Variants in MRPS9 observed in about 807,000 individuals in gnomAD.
MRPS9 encodes the protein mitochondrial ribosomal protein S9, also known as small ribosomal subunit protein uS9m.
MRPS9 carries 45 observed loss-of-function variants against 59.9 expected under a neutral mutation model. The observed-to-expected ratio is 0.75, with a 90% confidence interval of 0.59 to 0.96. The LOEUF (loss-of-function observed/expected upper bound fraction) is 0.96, where lower values mean the gene tolerates loss of function less well. MRPS9 is among the 40% of genes least tolerant of loss of function. MRPS9 has a pLI of 0.00. For missense variants in MRPS9, 473 were observed against 481.1 expected (o/e 0.98, Z 0.16); for synonymous variants, 171 against 166.8 (o/e 1.03, Z -0.19).
chr2:105,045,338 ATTC>A (rs937858266), intron 1 of MRPS9, among the ~76,000 whole-genome samples: 3 of 149,472 alleles, frequency 2.0e-5, no homozygotes, highest in Non-Finnish European at 4.4e-5. Context: ...AGAAAACCCA[ATTC>A]TTTTTTTTTT....
chr2:105,093,599 G>A lies in MRPS9; in HGVS notation c.890G>A (p.Gly297Glu). 6.2e-7 allele frequency: 1 copy of A among 1,606,596 alleles called. No individual in the cohort carries two copies. Among genetic ancestry groups the A allele is most frequent in the Non-Finnish European group, 8.5e-7 (1 of 1,176,364 alleles). ...GGAAGTGGAAGAATAAAAGTAAATGGAATTGATTACCAGCTTTACTTCCCG... is the reference window on the plus strand; with the variant it reads ...GGAAGTGGAAGAATAAAAGTAAATGAAATTGATTACCAGCTTTACTTCCCG... ...KHGSGRIKVN[G>E]IDYQLYFPIT... Residue 297 changes from glycine (G) to glutamate (E), a missense_variant, in exon 9 of 11, where the codon GGA becomes GAA. By Grantham distance (98) the Gly-to-Glu change is moderately conservative. Coordinates refer to ENST00000258455, the MANE Select transcript of MRPS9 (RefSeq NM_182640.3).
chr2:105,038,302 C>G (rs1558747783), intron 1 of MRPS9, 75 bp downstream of exon 1: 1 of 1,544,550 alleles, frequency 6.5e-7, no homozygotes, highest in East Asian at 2.4e-5. Context: ...CACCTTCCCC[C>G]AGCGTCTCGC....
At chr2:105,091,338 G>A (rs1337802726) in intron 7 of MRPS9, 1 of 470,960 alleles carries the variant, frequency 2.1e-6, no homozygotes, top group African/African-American at 2.0e-5. Context: ...AAGTCATTGA[G>A]AGTCTGTGAG....
intron 4 of MRPS9, among the ~76,000 whole-genome samples, chr2:105,076,039 C>T (rs1344514474): frequency 1.3e-5 from 2 of 151,814 alleles, no homozygotes; most frequent in African/African-American, 4.8e-5. Flanking sequence ...AATTAGAAAA[C>T]TGAAAGAAAT....
chr2:105,097,244 A>G lies in MRPS9; in HGVS notation c.1019A>G (p.Gln340Arg). The part of the protein sequence containing the change: ...CTVSGGGRSA[Q>R]AGAIRLAMAK... ...GTCTCAGGGGGCGGGAGGTCAGCGC[A>G]GGCTGGAGCAATACGACTGGCAATG... is the stretch of plus-strand genomic sequence containing the variant. Residue 340 changes from glutamine (Q) to arginine (R), a missense_variant, in exon 10 of 11, where the codon CAG becomes CGG. Physicochemically the swap from Gln to Arg is conservative, Grantham distance 43. Transcript: ENST00000258455. 6.2e-7 allele frequency: 1 copy of G among 1,613,272 alleles called. No homozygotes were observed. The highest frequency in any genetic ancestry group is 8.5e-7 in the Non-Finnish European group (1 of 1,179,694).
chr2:105,067,220 G>A (rs185404486), intron 2 of MRPS9, among the ~76,000 whole-genome samples: 19 of 152,034 alleles, frequency 1.2e-4, no homozygotes, highest in African/African-American at 3.4e-4. Context: ...TATAATCTTC[G>A]TGAAAATTTC....
At chr2:105,099,390 G>A in intron 10 of MRPS9, 1 of 264,428 alleles carries the variant, frequency 3.8e-6, no homozygotes, top group South Asian at 7.2e-5. Flanking sequence ...GGTTGAGCAA[G>A]CTTAAAAACC....
At chr2:105,051,019 A>G (rs80081622) in intron 2 of MRPS9, among the ~76,000 whole-genome samples, 31,489 of 152,144 alleles carry the variant, frequency 0.21, 3,335 homozygotes, top group Middle Eastern at 0.35. Context: ...TTCCATTTTT[A>G]GTTCTGATGA....
intron 4 of MRPS9, among the ~76,000 whole-genome samples, chr2:105,074,557 T>G (rs1466407074): frequency 1.3e-5 from 2 of 152,214 alleles, no homozygotes; most frequent in Admixed American, 6.5e-5. Context: ...GTGTGTTAAC[T>G]TACACTCTTC....
At chr2:105,090,542 T>A (rs145035106) in intron 7 of MRPS9, among the ~76,000 whole-genome samples, 12 of 152,320 alleles carry the variant, frequency 7.9e-5, no homozygotes, top group African/African-American at 2.4e-4. Flanking sequence ...TAGATCTAGC[T>A]CAGAATCTCT....
intron 2 of MRPS9, among the ~76,000 whole-genome samples, chr2:105,064,615 G>T (rs1196725590): frequency 6.6e-6 from 1 of 152,188 alleles, no homozygotes; most frequent in East Asian, 1.9e-4. Context: ...TGACAAGGAT[G>T]GGGAGGGAAC....
intron 2 of MRPS9, among the ~76,000 whole-genome samples, chr2:105,062,643 C>T (rs186538669): frequency 9.2e-4 from 140 of 152,288 alleles, no homozygotes; most frequent in African/African-American, 3.2e-3. Flanking sequence ...GTTTAAAAAA[C>T]CTTGCTGAAA....
intron 5 of MRPS9, among the ~76,000 whole-genome samples, chr2:105,085,576 A>G (rs900210956): frequency 1.3e-5 from 2 of 152,190 alleles, no homozygotes; most frequent in African/African-American, 4.8e-5. Context: ...ATACTCTCAG[A>G]AGGGTTTAGT....
At position 105,086,009 on chromosome 2, in the gene MRPS9, G is replaced by A. The variant is rs1680437734; in HGVS notation, c.490-2975G>A. ...TATAGAATCTACTTTCCAGAGAACT[G>A]TTGTCTCTAACTAACCAAGGTAGAA... On this transcript the variant is annotated intron_variant, in intron 5 of 10. Coordinates refer to ENST00000258455, the MANE Select transcript of MRPS9 (RefSeq NM_182640.3). 3.3e-5 allele frequency among the ~76,000 whole-genome samples: 5 copies of A among 152,132 alleles called. No homozygotes were observed. In the South Asian group the frequency reaches 1.0e-3, roughly 32 times the overall value.
In MRPS9 at chr2:105,099,920, A is replaced by G. The variant is rs573515099; in HGVS notation, c.*159A>G. On this transcript the variant is annotated 3_prime_UTR_variant, in exon 11 of 11. Transcript: ENST00000258455. Reference sequence around the variant, plus strand: ...TTTTAAATGCTACTTTGTAAAGGTGACCTTTAAAAAATAAAAGGAAAATAA... The same window carrying G: ...TTTTAAATGCTACTTTGTAAAGGTGGCCTTTAAAAAATAAAAGGAAAATAA... 754 of 505,860 alleles carry G rather than the reference A, an allele frequency of 1.5e-3. 6 individuals are homozygous for G. Among genetic ancestry groups the G allele is most frequent in the Non-Finnish European group, 4.4e-4 (128 of 289,140 alleles). 31.3% of individuals were successfully genotyped at this position (505,860 alleles called of 1,614,324 possible).
intron 6 of MRPS9, 50 bp from the exon 7 acceptor site, chr2:105,089,870 C>A: frequency 1.6e-6 from 2 of 1,269,280 alleles, no homozygotes; most frequent in Non-Finnish European, 2.3e-6. Flanking sequence ...TGTGATATAA[C>A]TCTAATTGCA....
intron 2 of MRPS9, among the ~76,000 whole-genome samples, chr2:105,051,645 GT>G (rs993558278): frequency 6.6e-6 from 1 of 152,152 alleles, no homozygotes; most frequent in Admixed American, 6.5e-5. Flanking sequence ...CCATCTTAAT[GT>G]TAGTTAAGTC....
chr2:105,059,450 C>A (rs575024224), intron 2 of MRPS9, among the ~76,000 whole-genome samples: 1 of 152,264 alleles, frequency 6.6e-6, no homozygotes, highest in African/African-American at 2.4e-5. Context: ...AAAAAGGTAT[C>A]TTGAAACACT....
chr2:105,061,604 G>A (rs1679906325), intron 2 of MRPS9, among the ~76,000 whole-genome samples: 1 of 152,166 alleles, frequency 6.6e-6, no homozygotes, highest in Non-Finnish European at 1.5e-5. Flanking sequence ...CCCGCAGCAG[G>A]TTTAGAGAGA....
Sources: allele counts gnomAD v4.1 joint callset (sites outside exome capture counted in the v4.1 genomes callset), GRCh38; gene constraint gnomAD v4.1.1; transcripts MANE v1.5; gene names NCBI Gene and HGNC (gene_info 2026-07-23, HGNC 2026-07-21).